The following FOXN2 variants were observed in gnomAD, a reference collection of about 807,000 sequenced individuals.
FOXN2 encodes the protein forkhead box N2.
A neutral mutation model predicts 41.2 loss-of-function variants in FOXN2; 19 were observed. The observed-to-expected ratio is 0.46, with a 90% confidence interval of 0.32 to 0.68. The LOEUF (loss-of-function observed/expected upper bound fraction) is 0.68, where lower values mean the gene tolerates loss of function less well. Among genes scored for constraint, FOXN2 ranks in the 30% least tolerant of loss-of-function variants. FOXN2 has a pLI of 0.03. For missense variants in FOXN2, 587 were observed against 509.4 expected (o/e 1.15, Z -1.47); for synonymous variants, 195 against 176.8 (o/e 1.10, Z -0.82).
chr2:48,362,714 G>A lies in FOXN2; in HGVS notation c.703+7G>A. 2 of 1,607,878 alleles carry A rather than the reference G, an allele frequency of 1.2e-6. No homozygotes were observed. Among genetic ancestry groups the A allele is most frequent in the Non-Finnish European group, 1.7e-6 (2 of 1,174,344 alleles). Reference sequence around the variant, plus strand: ...CAGGTGCGAAACCTCAAAGGTATGTGTGAATATCAGTACAGTCATGCACCA... The same window carrying A: ...CAGGTGCGAAACCTCAAAGGTATGTATGAATATCAGTACAGTCATGCACCA... On this transcript the variant is annotated splice_region_variant and intron_variant, in intron 5 of 6. Coordinates refer to ENST00000340553, the MANE Select transcript of FOXN2 (RefSeq NM_002158.4).
intron 2 of FOXN2, among the ~76,000 whole-genome samples, chr2:48,345,342 G>A (rs962024017): frequency 2.0e-5 from 3 of 152,162 alleles, no homozygotes; most frequent in African/African-American, 7.2e-5. Context: ...GGTGGGGGTA[G>A]GAGGAGGGTG....
At chr2:48,347,633 T>C (rs933480140) in intron 3 of FOXN2, among the ~76,000 whole-genome samples, 2 of 152,102 alleles carry the variant, frequency 1.3e-5, no homozygotes, top group Non-Finnish European at 2.9e-5. Flanking sequence ...TGGTTTTCAG[T>C]ATACATCTTT....
chr2:48,328,781 A>C (rs1357596075), intron 2 of FOXN2, 79 bp downstream of exon 2: 1 of 151,792 alleles, frequency 6.6e-6, no homozygotes, highest in Non-Finnish European at 1.5e-5. Context: ...TGCTTTTAAC[A>C]GTTTTGTTTA....
At chr2:48,360,233 T>C (rs1672080915) in intron 4 of FOXN2, among the ~76,000 whole-genome samples, 1 of 152,166 alleles carries the variant, frequency 6.6e-6, no homozygotes, top group African/African-American at 2.4e-5. Flanking sequence ...TCCAATTTAT[T>C]ATATACCTTC....
chr2:48,332,855 T>G (rs2104243825), intron 2 of FOXN2, among the ~76,000 whole-genome samples: 1 of 152,270 alleles, frequency 6.6e-6, no homozygotes, highest in East Asian at 1.9e-4. Flanking sequence ...TCTAAGTTGA[T>G]AGGTCTCATA....
At chr2:48,346,148 C>T (rs1671083753) in intron 2 of FOXN2, 53 bp from the exon 3 acceptor site, 7 of 1,460,292 alleles carry the variant, frequency 4.8e-6, no homozygotes, top group South Asian at 1.4e-5. Context: ...TTTCTTTTTC[C>T]CAGAGTTTAA....
At position 48,314,695 on chromosome 2, in the gene FOXN2, C is replaced by A. The variant is rs1468645234; in HGVS notation, c.-276C>A. The A allele has an allele frequency of 6.5e-6, 1 of 152,958 alleles. No individual in the cohort carries two copies. The highest frequency in any genetic ancestry group is 1.9e-4 in the East Asian group (1 of 5,210). The allele number at this position is 152,958 out of a possible 1,614,324, so 9.5% of individuals were successfully genotyped here. A position where few individuals can be genotyped will look rare whatever the true frequency, so the allele number is the denominator to read the frequency against. On this transcript the variant is annotated 5_prime_UTR_variant, in exon 1 of 7. The change creates a new upstream start codon in the 5' untranslated region. Transcript: ENST00000340553. ...GCCGGGGCCGCCACTGCAGCTGCTG[C>A]TGCCTGCTGGTTGCCGCGTCTTCCC...
chr2:48,329,059 CGGA>C (rs995877570), intron 2 of FOXN2, among the ~76,000 whole-genome samples: 2 of 151,948 alleles, frequency 1.3e-5, no homozygotes, highest in African/African-American at 4.8e-5. Context: ...TTCTGTGAAA[CGGA>C]GGAGGATTGT....
intron 1 of FOXN2, among the ~76,000 whole-genome samples, chr2:48,327,339 T>C (rs766030709): frequency 2.0e-5 from 3 of 152,166 alleles, no homozygotes; most frequent in Non-Finnish European, 4.4e-5. Flanking sequence ...TACTTAGCTA[T>C]ATGTAGCTGC....
chr2:48,325,230 C>T (rs952246266), intron 1 of FOXN2, among the ~76,000 whole-genome samples: 9 of 149,916 alleles, frequency 6.0e-5, no homozygotes, highest in African/African-American at 1.3e-4. Flanking sequence ...CCGTTTAATC[C>T]TTCTCTATGT....
intron 3 of FOXN2, among the ~76,000 whole-genome samples, chr2:48,347,171 C>G (rs1415226694): frequency 6.7e-6 from 1 of 148,800 alleles, no homozygotes; most frequent in Non-Finnish European, 1.5e-5. Flanking sequence ...ACTTTTCCTG[C>G]CTTTTGTGGG....
At chr2:48,318,710 A>G (rs544342221) in intron 1 of FOXN2, among the ~76,000 whole-genome samples, 6 of 152,346 alleles carry the variant, frequency 3.9e-5, no homozygotes, top group Non-Finnish European at 7.4e-5. Flanking sequence ...ATATTTATTT[A>G]GTATCTATTG....
At chr2:48,372,602 A>C (rs2104533299) in intron 5 of FOXN2, among the ~76,000 whole-genome samples, 1 of 152,274 alleles carries the variant, frequency 6.6e-6, no homozygotes, top group Non-Finnish European at 1.5e-5. Flanking sequence ...AGTAAATATA[A>C]GTAGGTATGA....
intron 3 of FOXN2, among the ~76,000 whole-genome samples, chr2:48,352,999 G>T (rs947581514): frequency 2.0e-5 from 3 of 151,998 alleles, no homozygotes; most frequent in African/African-American, 7.3e-5. Context: ...TCATCAAATT[G>T]AACTATTATA....
At chr2:48,368,887 T>C (rs1293310822) in intron 5 of FOXN2, among the ~76,000 whole-genome samples, 1 of 152,168 alleles carries the variant, frequency 6.6e-6, no homozygotes, top group Non-Finnish European at 1.5e-5. Context: ...GAAGTTAAAC[T>C]TTTTTTCACA....
At position 48,373,304 on chromosome 2, in the gene FOXN2, A is replaced by C; in HGVS notation, c.716A>C (p.Asp239Ala). ...TTTCCCTTTTCAGAATCTGATATTGATGCTGCTGCTGCAATGATGCTTTTA... is the reference window on the plus strand; with the variant it reads ...TTTCCCTTTTCAGAATCTGATATTGCTGCTGCTGCTGCAATGATGCTTTTA... ...QVRNLKESDI[D>A]AAAAMMLLNT... is the part of the protein sequence containing the mutation. The change falls in exon 6 of 7, where the codon GAT (aspartate) becomes GCT (alanine). Residue 239 changes from aspartate to alanine, a missense_variant. Physicochemically the swap from Asp to Ala is moderately radical, Grantham distance 126 (BLOSUM62 -2). Transcript: ENST00000340553. 1 of 1,591,234 alleles carries C rather than the reference A, an allele frequency of 6.3e-7. No individual in the cohort carries two copies. Among genetic ancestry groups the C allele is most frequent in the South Asian group, 1.1e-5 (1 of 88,506 alleles).
At position 48,365,002 on chromosome 2, in the gene FOXN2, A is replaced by G. The variant is rs115886657; in HGVS notation, c.703+2295A>G. Among the ~76,000 whole-genome samples, 709 of 152,372 alleles carry G rather than the reference A, an allele frequency of 4.7e-3. 3 individuals carry two copies. Among genetic ancestry groups the G allele is most frequent in the Non-Finnish European group, 8.4e-3 (572 of 68,032 alleles). ...TAATAAGTTGACTTTTTAAAAGTAT[A>G]TCAAAATTCTGAATTAGTGGGTTTT... On this transcript the variant is annotated intron_variant, in intron 5 of 6. Coordinates refer to ENST00000340553, the MANE Select transcript of FOXN2 (RefSeq NM_002158.4).
At chr2:48,361,963 A>G (rs1046809994) in intron 4 of FOXN2, among the ~76,000 whole-genome samples, 5 of 152,320 alleles carry the variant, frequency 3.3e-5, no homozygotes, top group South Asian at 4.1e-4. Context: ...TAAGAATCCA[A>G]TGCAAAACCA....
At position 48,375,012 on chromosome 2, in the gene FOXN2, A is replaced by G; in HGVS notation, c.865A>G (p.Ser289Gly). The change falls in exon 7 of 7, where the codon AGT becomes GGT. Residue 289 changes from serine (S) to glycine (G), a missense_variant. Coordinates refer to ENST00000340553, the MANE Select transcript of FOXN2 (RefSeq NM_002158.4). ...HHPSAVRLQE[S>G]DSLATSIDPK... Reference sequence around the variant, plus strand: ...TCCCAGTGCTGTACGATTACAAGAGAGTGATTCTTTAGCCACCAGCATTGA... The same window carrying G: ...TCCCAGTGCTGTACGATTACAAGAGGGTGATTCTTTAGCCACCAGCATTGA... The G allele has an allele frequency of 6.2e-7, 1 of 1,614,032 alleles. No individual in the cohort carries two copies.
Sources: gnomAD v4.1 joint callset for allele counts (sites outside exome capture counted in the v4.1 genomes callset) on GRCh38, gnomAD v4.1.1 for gene constraint, MANE v1.5 for transcripts, NCBI Gene and HGNC (gene_info 2026-07-23, HGNC 2026-07-21) for gene names.